The following NOTCH1 variants were observed in gnomAD, a reference collection of about 807,000 sequenced individuals.
NOTCH1 encodes the protein neurogenic locus notch homolog protein 1.
NOTCH1 carries 37 observed loss-of-function variants against 254.8 expected under a neutral mutation model. The ratio of observed to expected loss-of-function variants is 0.15; its 90% CI spans 0.11 to 0.19. The LOEUF (loss-of-function observed/expected upper bound fraction) is 0.19, where lower values mean the gene tolerates loss of function less well. NOTCH1 is among the 10% of genes least tolerant of loss of function. NOTCH1 has a pLI of 1.00. For synonymous variants in NOTCH1, 1,731 were observed against 1,618.1 expected (o/e 1.07, Z -1.68); for missense variants, 2,972 against 3,708.6 (o/e 0.80, Z 5.16).
Position 136,515,416 on chromosome 9 carries a change from G to T in NOTCH1, c.1904-16C>A, listed in dbSNP as rs775848413. On this transcript the variant is annotated splice_polypyrimidine_tract_variant and intron_variant, in intron 11 of 33. Coordinates refer to ENST00000651671, the MANE Select transcript of NOTCH1 (RefSeq NM_017617.5). The stretch of plus-strand genomic sequence containing the variant: ...CAGTTGGGTCCTGAAGGGGTGGCAC[G>T]TGTCGGTCAGTCCTCAGGCCCGCCC... 7 of 1,612,478 alleles carry T rather than the reference G, an allele frequency of 4.3e-6. No individual in the cohort carries two copies. In the African/African-American group the frequency reaches 6.7e-5, roughly 15 times the overall value.
rs1843161733 is a variant in NOTCH1 at position 136,510,503 on chromosome 9, C to T, written c.2740+150G>A. The T allele has an allele frequency of 2.8e-6, 3 of 1,065,980 alleles. No homozygotes were observed. In the Admixed American group the frequency reaches 6.1e-5, roughly 22 times the overall value. 66.0% of individuals were successfully genotyped at this position (1,065,980 alleles called of 1,614,324 possible). A position where few individuals can be genotyped will look rare whatever the true frequency, so the allele number is the denominator to read the frequency against. On this transcript the variant is annotated intron_variant, in intron 17 of 33. Coordinates refer to ENST00000651671, the MANE Select transcript of NOTCH1 (RefSeq NM_017617.5). ...CTCCTGAACCACCCTGGCCATCCCT[C>T]AGCACATCCCCCACACCTGACCCAA...
chr9:136,514,820 G>A (rs980537666), intron 12 of NOTCH1, 118 bp from the exon 13 acceptor site: 9 of 1,072,852 alleles, frequency 8.4e-6, no homozygotes, highest in African/African-American at 1.6e-5. Flanking sequence ...CATCCTTCCA[G>A]GTGTCAGAAA....
rs1842956333 is a variant in NOTCH1 at position 136,498,928 on chromosome 9, C to G, written c.6151G>C (p.Gly2051Arg). 6.2e-7 allele frequency: 1 copy of G among 1,613,758 alleles called. No homozygotes were observed. The change falls in exon 33 of 34, where the codon GGG (glycine) becomes CGG (arginine). Residue 2051 changes from glycine to arginine, a missense_variant. By Grantham distance (125) the Gly-to-Arg change is moderately radical. Transcript: ENST00000651671. Reference protein sequence around the residue: ...VDAAVVLLKNGANKDMQNNRE... With the variant: ...VDAAVVLLKNRANKDMQNNRE... ...TTGTTCTGCATATCTTTGTTAGCCCCGTTCTTCAGGAGCACAACTGCGGCA... is the reference window on the plus strand; with the variant it reads ...TTGTTCTGCATATCTTTGTTAGCCCGGTTCTTCAGGAGCACAACTGCGGCA...
At chr9:136,498,169 C>T (rs184578790) in intron 33 of NOTCH1, among the ~76,000 whole-genome samples, 174 of 149,132 alleles carry the variant, frequency 1.2e-3, no homozygotes, top group African/African-American at 4.1e-3. Context: ...TGCCCAGGCC[C>T]GCTGTGTGCC....
At position 136,504,683 on chromosome 9, in the gene NOTCH1, C is replaced by A. The variant is rs1157456139; in HGVS notation, c.5008G>T (p.Asp1670Tyr). 1.3e-6 allele frequency: 2 copies of A among 1,520,784 alleles called. No individual in the cohort carries two copies. Among genetic ancestry groups the A allele is most frequent in the African/African-American group, 1.4e-5 (1 of 72,362 alleles). The allele number at this position is 1,520,784 out of a possible 1,614,324, so 94.2% of individuals were successfully genotyped here. ...GRRRRELDPMDVRGSIVYLEI... is the reference protein window; with the variant it reads ...GRRRRELDPMYVRGSIVYLEI... ...CCGGGTCTCACTCACCCGCGGACGTCCATGGGGTCCAGCTCCCTCCGCCGC... is the reference window on the plus strand; with the variant it reads ...CCGGGTCTCACTCACCCGCGGACGTACATGGGGTCCAGCTCCCTCCGCCGC... Residue 1670 changes from aspartate (D) to tyrosine (Y), a missense_variant, in exon 26 of 34, where the codon GAC becomes TAC. Transcript: ENST00000651671.
Position 136,545,591 on chromosome 9 carries a change from C to A in NOTCH1, c.61+135G>T, listed in dbSNP as rs1843803552. On this transcript the variant is annotated intron_variant, in intron 1 of 33. Coordinates refer to ENST00000651671, the MANE Select transcript of NOTCH1 (RefSeq NM_017617.5). This position sits in a 1 kb window ranked among gnomAD's most constrained non-coding sequence, Gnocchi z 6.8. ...TCCCGGGACTCCAGAACCCCACGCC[C>A]CGGGCCGCCCGCTTTTCCCTCTCCA... 6.3e-6 allele frequency: 4 copies of A among 639,252 alleles called. No homozygotes were observed. Among genetic ancestry groups the A allele is most frequent in the Non-Finnish European group, 9.7e-6 (4 of 413,700 alleles). 39.6% of individuals were successfully genotyped at this position (639,252 alleles called of 1,614,324 possible).
At chr9:136,544,256 G>A (rs1315096735) in intron 1 of NOTCH1, among the ~76,000 whole-genome samples, 154 bp from the exon 2 acceptor site, 1 of 152,212 alleles carries the variant, frequency 6.6e-6, no homozygotes, top group Non-Finnish European at 1.5e-5. Context: ...GGTTGCTGGG[G>A]CACGGGTCCG....
rs776722939 is a variant in NOTCH1 at position 136,507,567 on chromosome 9, C to T, written c.3511-130G>A. On this transcript the variant is annotated intron_variant, in intron 21 of 33. Coordinates refer to ENST00000651671, the MANE Select transcript of NOTCH1 (RefSeq NM_017617.5). ...AGGTCCAGCGAAGCCACGGGCCCCT[C>T]GCTCCTGTCAGACCTGGAGAGAGAC... 11 of 1,316,332 alleles carry T rather than the reference C, an allele frequency of 8.4e-6. No homozygotes were observed. In the South Asian group the frequency reaches 1.0e-4, roughly 12 times the overall value. The allele number at this position is 1,316,332 out of a possible 1,614,324, so 81.5% of individuals were successfully genotyped here. A position where few individuals can be genotyped will look rare whatever the true frequency, so the allele number is the denominator to read the frequency against.
chr9:136,517,208 C>A (rs1432560508), intron 9 of NOTCH1, 64 bp downstream of exon 9: 2 of 1,082,756 alleles, frequency 1.8e-6, no homozygotes, highest in African/African-American at 1.6e-5. Flanking sequence ...AACCCACGCC[C>A]AGGCACCCCT....
chr9:136,515,406 G>A lies in NOTCH1; in HGVS notation c.1904-6C>T. On this transcript the variant is annotated splice_polypyrimidine_tract_variant and splice_region_variant and intron_variant, in intron 11 of 33. Coordinates refer to ENST00000651671, the MANE Select transcript of NOTCH1 (RefSeq NM_017617.5). ...GTTGATCTCGCAGTTGGGTCCTGAAGGGGTGGCACGTGTCGGTCAGTCCTC... is the reference window on the plus strand; with the variant it reads ...GTTGATCTCGCAGTTGGGTCCTGAAAGGGTGGCACGTGTCGGTCAGTCCTC... 2.5e-6 allele frequency: 4 copies of A among 1,612,842 alleles called. No individual in the cohort carries two copies. Among genetic ancestry groups the A allele is most frequent in the Non-Finnish European group, 3.4e-6 (4 of 1,179,928 alleles).
In NOTCH1 at chr9:136,500,635, T is replaced by C. The variant is rs2133325837; in HGVS notation, c.5851A>G (p.Ser1951Gly). The change falls in exon 31 of 34, where the codon AGC becomes GGC. Residue 1951 changes from serine to glycine, a missense_variant. Coordinates refer to ENST00000651671, the MANE Select transcript of NOTCH1 (RefSeq NM_017617.5). ...TTGTCCTGGATGTTGGCATCTGCGC[T>C]GGCCTCCAGCAGGCGCTTGGCGGCA... ...SDAAKRLLEASADANIQDNMG... is the reference protein window; with the variant it reads ...SDAAKRLLEAGADANIQDNMG... The C allele has an allele frequency of 6.2e-7, 1 of 1,612,038 alleles. No individual in the cohort carries two copies. The highest frequency in any genetic ancestry group is 8.5e-7 in the Non-Finnish European group (1 of 1,179,884).
intron 9 of NOTCH1, among the ~76,000 whole-genome samples, 170 bp downstream of exon 9, chr9:136,517,102 A>T (rs1163229169): frequency 6.8e-6 from 1 of 147,460 alleles, no homozygotes; most frequent in Non-Finnish European, 1.5e-5. Flanking sequence ...CTCACCCCTC[A>T]GGAGGCCGGG....
chr9:136,524,740 C>G (rs9411256), intron 2 of NOTCH1, among the ~76,000 whole-genome samples: 2 of 149,908 alleles, frequency 1.3e-5, no homozygotes, highest in East Asian at 3.9e-4. Context: ...CAGGTTCAAG[C>G]GATTCTCCTG....
Position 136,506,089 on chromosome 9 carries a change from G to A in NOTCH1, c.4015-208C>T, listed in dbSNP as rs990424805. 1.3e-5 allele frequency among the ~76,000 whole-genome samples: 2 copies of A among 152,192 alleles called. No individual in the cohort carries two copies. The highest frequency in any genetic ancestry group is 4.8e-5 in the African/African-American group (2 of 41,446). ...GCCAGGGGGTCGGGAGATGGAGGAA[G>A]GGGTAAACTGGTGGAGTGCTGAGGA... On this transcript the variant is annotated intron_variant, in intron 24 of 33. Coordinates refer to ENST00000651671, the MANE Select transcript of NOTCH1 (RefSeq NM_017617.5). The surrounding 1 kb of genome is among the most constrained non-coding windows in gnomAD (Gnocchi z 4.5).
chr9:136,531,399 G>A (rs985795738), intron 2 of NOTCH1, among the ~76,000 whole-genome samples: 2 of 152,212 alleles, frequency 1.3e-5, no homozygotes, highest in Non-Finnish European at 2.9e-5. Context: ...TGGCACAGGA[G>A]TGGCAGAAGC....
In NOTCH1 at chr9:136,495,146, G is replaced by C. The variant is rs543442428; in HGVS notation, c.*925C>G. 2 of 399,110 alleles carry C rather than the reference G, an allele frequency of 5.0e-6. No individual in the cohort carries two copies. The highest frequency in any genetic ancestry group is 7.1e-5 in the East Asian group (2 of 28,222). The allele number at this position is 399,110 out of a possible 1,614,324, so 24.7% of individuals were successfully genotyped here. A position where few individuals can be genotyped will look rare whatever the true frequency, so the allele number is the denominator to read the frequency against. On this transcript the variant is annotated 3_prime_UTR_variant, in exon 34 of 34. Coordinates refer to ENST00000651671, the MANE Select transcript of NOTCH1 (RefSeq NM_017617.5). Reference sequence around the variant, plus strand: ...GCTGAGGTGCTGGGGCCGCCACCGGGGTCAGCCCAGGCAGTGTCTTTCCCC... The same window carrying C: ...GCTGAGGTGCTGGGGCCGCCACCGGCGTCAGCCCAGGCAGTGTCTTTCCCC...
intron 2 of NOTCH1, among the ~76,000 whole-genome samples, chr9:136,539,361 C>T (rs1443346874): frequency 6.6e-6 from 1 of 152,124 alleles, no homozygotes; most frequent in Non-Finnish European, 1.5e-5. Context: ...GTGAGACTTT[C>T]TATTTGACAC....
At chr9:136,544,612 C>T (rs986351470) in intron 1 of NOTCH1, among the ~76,000 whole-genome samples, 2 of 151,568 alleles carry the variant, frequency 1.3e-5, no homozygotes, top group African/African-American at 4.9e-5. Context: ...AATGCGACAG[C>T]TGCTCGCCCG....
At chr9:136,501,495 A>G (rs1304842632) in intron 30 of NOTCH1, among the ~76,000 whole-genome samples, 2 of 151,990 alleles carry the variant, frequency 1.3e-5, no homozygotes, top group Non-Finnish European at 2.9e-5. Context: ...ATGTCTCAAG[A>G]AGGTTTCAGA....
Sources: allele counts gnomAD v4.1 joint callset (sites outside exome capture counted in the v4.1 genomes callset), GRCh38; gene constraint gnomAD v4.1.1; non-coding constraint Gnocchi (gnomAD v3.1); transcripts MANE v1.5; gene names NCBI Gene and HGNC (gene_info 2026-07-23, HGNC 2026-07-21).